The following FRMD4A variants were observed in gnomAD, a reference collection of about 807,000 sequenced individuals.
FRMD4A encodes the protein FERM domain-containing protein 4A.
Under a neutral mutation model 129.1 loss-of-function variants are expected in FRMD4A, and 29 were observed. The observed-to-expected ratio is 0.22, with a 90% CI of 0.17 to 0.31. The LOEUF (loss-of-function observed/expected upper bound fraction) is 0.31. Ranked by LOEUF, FRMD4A falls within the 10% of genes least tolerant of loss-of-function variation. The pLI is 1.00. For missense variants in FRMD4A, 1,272 were observed against 1,375.8 expected (o/e 0.92, Z 1.19); for synonymous variants, 634 against 571.6 (o/e 1.11, Z -1.56).
Position 13,657,433 on chromosome 10 carries a change from A to G in FRMD4A, c.2156T>C (p.Leu719Pro). 6.2e-7 allele frequency: 1 copy of G among 1,612,702 alleles called. No individual in the cohort carries two copies. The highest frequency in any genetic ancestry group is 1.3e-5 in the African/African-American group (1 of 75,024). Residue 719 changes from leucine (L) to proline (P), a missense_variant, in exon 22 of 25, where the codon CTG (leucine) becomes CCG (proline). Coordinates refer to ENST00000357447, the MANE Select transcript of FRMD4A (RefSeq NM_018027.5). ...GCTCCCGGTGTCGTTTTCCGAGCCC[A>G]GGAGCTTGCCCTGGGACTCCAGGCT... ...SSSLESQGKL[L>P]GSENDTGSPD...
chr10:13,971,805 C>T, intron 2 of FRMD4A: 2 of 1,304,450 alleles, frequency 1.5e-6, no homozygotes, highest in Non-Finnish European at 2.0e-6. Context: ...GCCATGCCAG[C>T]CCCAGACTCT....
chr10:14,178,053 A>G (rs1270556238), intron 2 of FRMD4A, among the ~76,000 whole-genome samples: 1 of 152,044 alleles, frequency 6.6e-6, no homozygotes, highest in Non-Finnish European at 1.5e-5. Flanking sequence ...CAATTCCCTT[A>G]CCCCCTGCCC....
At chr10:14,225,534 G>A (rs576900190) in intron 2 of FRMD4A, among the ~76,000 whole-genome samples, 18 of 152,306 alleles carry the variant, frequency 1.2e-4, no homozygotes, top group East Asian at 7.7e-4. Flanking sequence ...GATTTGGCCC[G>A]GCTTCCATGC....
Position 14,284,182 on chromosome 10 carries a change from AAAT to A in FRMD4A, c.45+45873_45+45875del, listed in dbSNP as rs1166974964. On this transcript the variant is annotated intron_variant, in intron 2 of 24. Coordinates refer to ENST00000357447, the MANE Select transcript of FRMD4A (RefSeq NM_018027.5). ...GGCTGGTAAATAGCAGGAACTCAAG[AAAT>A]ATTAGATTGCTAATACTGTTCACCC... Among the ~76,000 whole-genome samples the A allele has an allele frequency of 2.6e-5, 4 of 152,346 alleles. No individual in the cohort carries two copies. In the South Asian group the frequency reaches 8.3e-4, roughly 32 times the overall value.
At chr10:14,227,614 G>C (rs1412467646) in intron 2 of FRMD4A, among the ~76,000 whole-genome samples, 1 of 151,912 alleles carries the variant, frequency 6.6e-6, no homozygotes, top group Non-Finnish European at 1.5e-5. Context: ...CTTACACCAA[G>C]CCTGCATGAG....
intron 2 of FRMD4A, among the ~76,000 whole-genome samples, chr10:14,231,104 G>A (rs1843624551): frequency 6.6e-6 from 1 of 152,030 alleles, no homozygotes; most frequent in Non-Finnish European, 1.5e-5. Context: ...GTGTCTTTAG[G>A]GTAGAATGAT....
intron 2 of FRMD4A, among the ~76,000 whole-genome samples, chr10:14,267,955 C>T (rs1038858557): frequency 1.3e-5 from 2 of 152,082 alleles, no homozygotes; most frequent in Non-Finnish European, 2.9e-5. Flanking sequence ...TTAAATCTAG[C>T]TTTGGTGTAG....
intron 4 of FRMD4A, among the ~76,000 whole-genome samples, chr10:13,797,723 T>G (rs540230215): frequency 2.0e-5 from 3 of 152,084 alleles, no homozygotes; most frequent in African/African-American, 7.2e-5. Context: ...CCACTGCATT[T>G]CCCCCGTAGC....
chr10:14,313,044 A>T (rs1846611032), intron 2 of FRMD4A, among the ~76,000 whole-genome samples: 1 of 152,136 alleles, frequency 6.6e-6, no homozygotes, highest in African/African-American at 2.4e-5. Context: ...TTAAACTTGT[A>T]AACGTATTTT....
chr10:13,715,061 A>G (rs1308062597), intron 12 of FRMD4A, among the ~76,000 whole-genome samples: 1 of 152,022 alleles, frequency 6.6e-6, no homozygotes, highest in Non-Finnish European at 1.5e-5. Context: ...TTAAAAAAAA[A>G]AATTAGAAGT....
intron 3 of FRMD4A, among the ~76,000 whole-genome samples, chr10:13,845,020 A>G (rs1203265924): frequency 6.6e-6 from 1 of 152,230 alleles, no homozygotes; most frequent in Non-Finnish European, 1.5e-5. Flanking sequence ...ATCAAAACCA[A>G]TATGATCCAT....
rs74436780 is a variant in FRMD4A, at chr10:13,929,443, C to T, written c.46-70531G>A. On this transcript the variant is annotated intron_variant, in intron 2 of 24. Coordinates refer to ENST00000357447, the MANE Select transcript of FRMD4A (RefSeq NM_018027.5). ...GTCACCTGCTTACCCGAGTGCTGCA[C>T]CTTGAAGGTTTGCCATGGTAGAGCC... 9.4e-3 allele frequency among the ~76,000 whole-genome samples: 1,437 copies of T among 152,258 alleles called. 86 individuals carry two copies. The East Asian group carries it at 0.17, about 18-fold the overall frequency.
At chr10:14,276,506 G>A (rs1468233756) in intron 2 of FRMD4A, among the ~76,000 whole-genome samples, 1 of 152,236 alleles carries the variant, frequency 6.6e-6, no homozygotes, top group African/African-American at 2.4e-5. Context: ...AAAGGCCCCA[G>A]TCATGTGGCC....
chr10:13,960,837 C>T (rs950649903), intron 2 of FRMD4A, among the ~76,000 whole-genome samples: 2 of 152,178 alleles, frequency 1.3e-5, no homozygotes, highest in Non-Finnish European at 2.9e-5. Context: ...CAGAGCTCTT[C>T]CATTCTCTGC....
intron 2 of FRMD4A, among the ~76,000 whole-genome samples, chr10:14,239,166 T>A (rs1843940219): frequency 2.0e-5 from 3 of 152,216 alleles, no homozygotes; most frequent in Admixed American, 6.5e-5. Context: ...TCTGTGGAGA[T>A]ACTGTTGGAT....
intron 4 of FRMD4A, among the ~76,000 whole-genome samples, chr10:13,809,545 C>T (rs1252618923): frequency 1.3e-5 from 2 of 152,178 alleles, no homozygotes; most frequent in African/African-American, 2.4e-5. Context: ...CTGGGTCCTT[C>T]CCCGCACAGC....
At chr10:13,985,549 G>A (rs145036846) in intron 2 of FRMD4A, among the ~76,000 whole-genome samples, 80 of 152,332 alleles carry the variant, frequency 5.3e-4, no homozygotes, top group African/African-American at 1.6e-3. Context: ...TTGGGATGCC[G>A]GAGAGAGAAT....
chr10:13,846,641 G>C (rs1386766846), intron 3 of FRMD4A, among the ~76,000 whole-genome samples: 1 of 152,236 alleles, frequency 6.6e-6, no homozygotes, highest in African/African-American at 2.4e-5. Flanking sequence ...GCAGAGTGTG[G>C]TGACTGTAAT....
intron 12 of FRMD4A, 35 bp from the exon 13 acceptor site, chr10:13,707,148 G>GCCAGCCCCTCCTGA: frequency 4.1e-6 from 5 of 1,215,132 alleles, no homozygotes; most frequent in Non-Finnish European, 6.1e-6. Flanking sequence ...AAACTCAGGA[G>GCCAGCCCCTCCTGA]GGGCTGGCTC....
Sources: allele counts gnomAD v4.1 joint callset (sites outside exome capture counted in the v4.1 genomes callset), GRCh38; gene constraint gnomAD v4.1.1; transcripts MANE v1.5; gene names NCBI Gene and HGNC (gene_info 2026-07-23, HGNC 2026-07-21).